NRXN1: variants seen among roughly 807,000 people sequenced by gnomAD.
NRXN1 encodes neurexin-1.
A neutral mutation model predicts 150.9 loss-of-function variants in NRXN1; 39 were observed. The ratio of observed to expected loss-of-function variants is 0.26; its 90% CI spans 0.20 to 0.34. The LOEUF (loss-of-function observed/expected upper bound fraction) is 0.34, where lower values mean the gene tolerates loss of function less well. Among genes scored for constraint, NRXN1 ranks in the 10% least tolerant of loss-of-function variants. NRXN1 has a pLI of 1.00. For missense variants in NRXN1, 1,815 were observed against 1,949.9 expected (o/e 0.93, Z 1.30); for synonymous variants, 924 against 757.0 (o/e 1.22, Z -3.62).
chr2:50,340,668 G>A (rs1312387251), intron 17 of NRXN1, among the ~76,000 whole-genome samples: 2 of 151,710 alleles, frequency 1.3e-5, no homozygotes, highest in South Asian at 4.2e-4. Flanking sequence ...ATGATCAAAG[G>A]AAACTTAGAA....
chr2:50,484,864 A>G (rs1012200473), intron 15 of NRXN1, among the ~76,000 whole-genome samples: 4 of 143,424 alleles, frequency 2.8e-5, no homozygotes, highest in Non-Finnish European at 6.3e-5. Flanking sequence ...AAGCTTGATT[A>G]AGATTTTTTA....
At chr2:50,171,177 G>A (rs2060008088) in intron 18 of NRXN1, among the ~76,000 whole-genome samples, 1 of 151,392 alleles carries the variant, frequency 6.6e-6, no homozygotes, top group African/African-American at 2.4e-5. Context: ...GGCAGAGGCA[G>A]AAGAAACTCT....
In NRXN1 at chr2:50,496,101, A is replaced by G. The variant is rs751434544; in HGVS notation, c.2880-6T>C. On this transcript the variant is annotated splice_region_variant and splice_polypyrimidine_tract_variant and intron_variant, in intron 14 of 22. Transcript: ENST00000401669. Reference sequence around the variant, plus strand: ...CAAACACGTAATGTAAGTACCTGGGAAAAAAATGAAAGAGGGGAAAGTGCC... The same window carrying G: ...CAAACACGTAATGTAAGTACCTGGGGAAAAAATGAAAGAGGGGAAAGTGCC... 1.9e-6 allele frequency: 3 copies of G among 1,578,860 alleles called. No homozygotes were observed. The highest frequency in any genetic ancestry group is 2.3e-5 in the East Asian group (1 of 43,878).
intron 17 of NRXN1, among the ~76,000 whole-genome samples, chr2:50,240,147 T>C (rs1475727272): frequency 6.6e-6 from 1 of 151,708 alleles, no homozygotes; most frequent in Admixed American, 6.6e-5. Flanking sequence ...AGAATGAGAT[T>C]AGCTAATCTG....
At chr2:50,744,277 T>C (rs975653321) in intron 5 of NRXN1, among the ~76,000 whole-genome samples, 26 of 152,054 alleles carry the variant, frequency 1.7e-4, no homozygotes, top group African/African-American at 6.0e-4. Context: ...GTAATATTTG[T>C]AAGCAAAGGA....
chr2:50,830,951 G>A (rs551365015), intron 5 of NRXN1, among the ~76,000 whole-genome samples: 2 of 151,972 alleles, frequency 1.3e-5, no homozygotes, highest in South Asian at 2.1e-4. Context: ...TTATTTTTAT[G>A]TTTTATTTTT....
intron 8 of NRXN1, among the ~76,000 whole-genome samples, chr2:50,557,151 C>T (rs1316519310): frequency 1.3e-5 from 2 of 152,164 alleles, no homozygotes; most frequent in Non-Finnish European, 1.5e-5. Context: ...TGCTAAAGCA[C>T]TGGTAGCTGA....
intron 17 of NRXN1, among the ~76,000 whole-genome samples, chr2:50,290,401 C>T (rs1387390512): frequency 6.6e-6 from 1 of 152,136 alleles, no homozygotes; most frequent in Non-Finnish European, 1.5e-5. Context: ...TGTGTAAGTG[C>T]CACACTTCCT....
chr2:50,381,026 A>G (rs573898888), intron 17 of NRXN1, among the ~76,000 whole-genome samples: 1 of 152,258 alleles, frequency 6.6e-6, no homozygotes, highest in East Asian at 1.9e-4. Context: ...GTCTCTATTT[A>G]ACCCACTGGA....
chr2:50,471,124 T>C (rs2089416682), intron 16 of NRXN1, among the ~76,000 whole-genome samples: 1 of 151,742 alleles, frequency 6.6e-6, no homozygotes, highest in South Asian at 2.1e-4. Flanking sequence ...TTCAGTAGCT[T>C]TAGGTGTACA....
chr2:50,193,460 A>G (rs2061569127), intron 18 of NRXN1, among the ~76,000 whole-genome samples: 1 of 152,124 alleles, frequency 6.6e-6, no homozygotes, highest in African/African-American at 2.4e-5. Context: ...TTATTTTACA[A>G]CAACTTTCAG....
chr2:50,930,881 T>C (rs1687638502), intron 2 of NRXN1, among the ~76,000 whole-genome samples: 1 of 152,168 alleles, frequency 6.6e-6, no homozygotes, highest in East Asian at 1.9e-4. Context: ...CTAAGAAAGG[T>C]GGCTCAGGTG....
intron 2 of NRXN1, chr2:50,979,174 A>G: frequency 2.0e-6 from 1 of 490,790 alleles, no homozygotes; most frequent in Non-Finnish European, 4.0e-6. Flanking sequence ...TTACATGGTC[A>G]TCGTATGTAA....
intron 21 of NRXN1, among the ~76,000 whole-genome samples, chr2:50,016,189 A>C (rs1483388160): frequency 6.6e-6 from 1 of 152,170 alleles, no homozygotes; most frequent in Non-Finnish European, 1.5e-5. Flanking sequence ...CTAGACTCAG[A>C]AAGTCCAGAC....
chr2:50,344,831 A>T lies in NRXN1; in HGVS notation c.3365-107861T>A, dbSNP rs563230516. 5.9e-5 allele frequency among the ~76,000 whole-genome samples: 9 copies of T among 152,082 alleles called. No homozygotes were observed. In the South Asian group the frequency reaches 1.9e-3, roughly 32 times the overall value. ...CAGAAAAGGAGAAGTTGCATATGAG[A>T]TTATTAGCCAAGTGCTTCCCACTGG... On this transcript the variant is annotated intron_variant, in intron 17 of 22. Transcript: ENST00000401669.
intron 18 of NRXN1, among the ~76,000 whole-genome samples, chr2:50,106,923 GC>G (rs1362872521): frequency 2.0e-5 from 3 of 151,870 alleles, no homozygotes; most frequent in African/African-American, 7.2e-5. Context: ...CCATTTCAAT[GC>G]TTTTTGAACA....
intron 5 of NRXN1, among the ~76,000 whole-genome samples, chr2:50,835,657 T>A (rs1672005999): frequency 1.3e-5 from 2 of 152,308 alleles, no homozygotes; most frequent in African/African-American, 4.8e-5. Flanking sequence ...ATTATATTAA[T>A]CCTAAATGAA....
intron 18 of NRXN1, among the ~76,000 whole-genome samples, chr2:50,150,786 C>G (rs544443876): frequency 6.6e-6 from 1 of 151,618 alleles, no homozygotes; most frequent in African/African-American, 2.4e-5. Context: ...ATAGGGATTG[C>G]TATGTTCTTA....
intron 5 of NRXN1, among the ~76,000 whole-genome samples, chr2:50,700,582 C>CAG (rs1693593710): frequency 6.6e-6 from 1 of 152,116 alleles, no homozygotes; most frequent in African/African-American, 2.4e-5. Context: ...ACCAAGGTAA[C>CAG]AAGTCCTTGG....
Sources: allele counts gnomAD v4.1 joint callset (sites outside exome capture counted in the v4.1 genomes callset), GRCh38; gene constraint gnomAD v4.1.1; transcripts MANE v1.5; gene names NCBI Gene and HGNC (gene_info 2026-07-23, HGNC 2026-07-21).